The following ATXN8OS variants were observed in gnomAD, a reference collection of about 807,000 sequenced individuals.
The protein encoded by ATXN8OS is ATXN8 opposite strand lncRNA, also known as ATXN8 opposite strand (non-protein coding).
intron 4 of ATXN8OS, among the ~76,000 whole-genome samples, chr13:70,168,198 C>A (rs1019408517): frequency 2.0e-5 from 3 of 151,992 alleles, no homozygotes; most frequent in Non-Finnish European, 2.9e-5. Context: ...TCAGCAGTTA[C>A]CTTCTTTAAA....
chr13:70,148,044 G>A (rs1888811370), intron 4 of ATXN8OS, among the ~76,000 whole-genome samples: 1 of 152,148 alleles, frequency 6.6e-6, no homozygotes, highest in Non-Finnish European at 1.5e-5. Flanking sequence ...GTCAGCTTGA[G>A]TTAAGGTAAG....
At chr13:70,150,665 T>G (rs1393275744) in intron 4 of ATXN8OS, among the ~76,000 whole-genome samples, 1 of 152,048 alleles carries the variant, frequency 6.6e-6, no homozygotes, top group Non-Finnish European at 1.5e-5. Context: ...AAAGGCCTAA[T>G]AAGCACATCT....
rs538258899 is a variant in ATXN8OS, at chr13:70,121,381, G to T, written n.398+6083G>T. 2.0e-5 allele frequency among the ~76,000 whole-genome samples: 3 copies of T among 152,204 alleles called. No individual in the cohort carries two copies. In the East Asian group the frequency reaches 5.8e-4, roughly 29 times the overall value. ...AGTTTTATTTCATAGCATAGAGTTT[G>T]ATTTTAATTCTATCTCCAATAGAAA... On this transcript the variant is annotated intron_variant and non_coding_transcript_variant, in intron 2 of 4. Transcript: ENST00000678624.
At position 70,139,393 on chromosome 13, in the gene ATXN8OS, C is replaced by CTACTACTACTAT. The variant is rs1299406830; in HGVS notation, n.500-7961_500-7960insACTACTACTATT. The CTACTACTACTAT allele has an allele frequency of 1.8e-5, 10 of 555,198 alleles. No homozygotes were observed. The African/African-American group carries it at 3.5e-4, about 19-fold the overall frequency. The allele number at this position is 555,198 out of a possible 1,614,324, so 34.4% of individuals were successfully genotyped here. On this transcript the variant is annotated intron_variant and non_coding_transcript_variant, in intron 3 of 4. Transcript: ENST00000678624. ...ACTACTACTACTACTACTGCTGCTG[C>CTACTACTACTAT]TGCTGCTGCTGCTGCTGCTGCTGCT...
chr13:70,136,186 G>A lies in ATXN8OS; in HGVS notation n.499+6302G>A, dbSNP rs149257544. 5.9e-5 allele frequency among the ~76,000 whole-genome samples: 9 copies of A among 152,250 alleles called. No individual in the cohort carries two copies. In the South Asian group the frequency reaches 6.2e-4, roughly 11 times the overall value. ...GGCTGAAGCTCAGTTGTATGTAATT[G>A]GTAGAAATCTGGCTATTTGTTATGA... On this transcript the variant is annotated intron_variant and non_coding_transcript_variant, in intron 3 of 4. Coordinates refer to ENST00000678624, the Ensembl canonical transcript of ATXN8OS.
At position 70,123,753 on chromosome 13, in the gene ATXN8OS, A is replaced by C. The variant is rs375528223; in HGVS notation, n.399-6031A>C. 6.6e-5 allele frequency among the ~76,000 whole-genome samples: 10 copies of C among 152,286 alleles called. No homozygotes were observed. In the East Asian group the frequency reaches 1.7e-3, roughly 26 times the overall value. Reference sequence around the variant, plus strand: ...CTAGGAAGAAAGGAGTTATTTGTACACAGAAAATTCTCATAATAAATATTT... The same window carrying C: ...CTAGGAAGAAAGGAGTTATTTGTACCCAGAAAATTCTCATAATAAATATTT... On this transcript the variant is annotated intron_variant and non_coding_transcript_variant, in intron 2 of 4. Transcript: ENST00000678624.
In ATXN8OS at chr13:70,131,439, C is replaced by G. The variant is rs1282581538; in HGVS notation, n.499+1555C>G. 21 of 398,358 alleles carry G rather than the reference C, an allele frequency of 5.3e-5. 1 individual carries two copies. Among genetic ancestry groups the G allele is most frequent in the South Asian group, 2.5e-4 (2 of 7,870 alleles). 24.7% of individuals were successfully genotyped at this position (398,358 alleles called of 1,614,324 possible). On this transcript the variant is annotated intron_variant and non_coding_transcript_variant, in intron 3 of 4. Coordinates refer to ENST00000678624, the Ensembl canonical transcript of ATXN8OS. Reference sequence around the variant, plus strand: ...TTTATAGAACAGGTCTCTAACAGGGCCAGCAGCTTCCAGTCACTTCTGTCC... The same window carrying G: ...TTTATAGAACAGGTCTCTAACAGGGGCAGCAGCTTCCAGTCACTTCTGTCC...
At chr13:70,171,026 T>G (rs1034396119) in exon 5 of ATXN8OS, among the ~76,000 whole-genome samples, 2 of 152,158 alleles carry the variant, frequency 1.3e-5, no homozygotes, top group African/African-American at 4.8e-5. Flanking sequence ...AGGGCACTGT[T>G]AAAAGAAGAG....
intron 3 of ATXN8OS, among the ~76,000 whole-genome samples, chr13:70,143,669 C>A (rs1352445598): frequency 1.3e-5 from 2 of 152,040 alleles, no homozygotes; most frequent in Non-Finnish European, 2.9e-5. Flanking sequence ...TTTATATTTT[C>A]TGCACATAAA....
chr13:70,171,300 T>A (rs982222734), exon 5 of ATXN8OS, among the ~76,000 whole-genome samples: 1 of 152,132 alleles, frequency 6.6e-6, no homozygotes, highest in Non-Finnish European at 1.5e-5. Flanking sequence ...TAGGTTACAG[T>A]TCATTATGTA....
intron 4 of ATXN8OS, among the ~76,000 whole-genome samples, chr13:70,156,630 G>A (rs1053564375): frequency 6.6e-6 from 1 of 151,974 alleles, no homozygotes; most frequent in Non-Finnish European, 1.5e-5. Flanking sequence ...ACTTGAGCCA[G>A]TGAAATAAAT....
chr13:70,128,357 C>T (rs1223591929), intron 2 of ATXN8OS, among the ~76,000 whole-genome samples: 3 of 152,106 alleles, frequency 2.0e-5, no homozygotes, highest in African/African-American at 4.8e-5. Flanking sequence ...TCTTTCTGAA[C>T]ATTAGTGCCC....
At chr13:70,153,847 T>C (rs1593774830) in intron 4 of ATXN8OS, among the ~76,000 whole-genome samples, 1 of 151,822 alleles carries the variant, frequency 6.6e-6, no homozygotes, top group Admixed American at 6.6e-5. Flanking sequence ...ACCTGTCCAA[T>C]TTTTTTTCTT....
At chr13:70,124,278 T>C (rs1480432169) in intron 2 of ATXN8OS, among the ~76,000 whole-genome samples, 1 of 152,132 alleles carries the variant, frequency 6.6e-6, no homozygotes, top group Non-Finnish European at 1.5e-5. Context: ...CTATTCTAGA[T>C]GCTTTATAGC....
chr13:70,150,220 C>G (rs907291787), intron 4 of ATXN8OS, among the ~76,000 whole-genome samples: 5 of 152,040 alleles, frequency 3.3e-5, no homozygotes, highest in Admixed American at 6.6e-5. Context: ...GAGGAAGTGA[C>G]AGAGAAGGGC....
At chr13:70,151,927 T>C (rs1187108919) in intron 4 of ATXN8OS, among the ~76,000 whole-genome samples, 1 of 152,090 alleles carries the variant, frequency 6.6e-6, no homozygotes, top group African/African-American at 2.4e-5. Context: ...TAATTGATCA[T>C]TTCACTCATC....
intron 4 of ATXN8OS, among the ~76,000 whole-genome samples, chr13:70,160,995 T>C (rs891029706): frequency 4.0e-4 from 61 of 151,422 alleles, no homozygotes; most frequent in African/African-American, 1.4e-3. Flanking sequence ...TATTATGACA[T>C]ATCGAGACAA....
At chr13:70,111,301 G>A (rs1028901799) in intron 1 of ATXN8OS, among the ~76,000 whole-genome samples, 2 of 152,142 alleles carry the variant, frequency 1.3e-5, no homozygotes, top group East Asian at 3.9e-4. Context: ...AAAACCTGAA[G>A]GTGGGTAACT....
chr13:70,165,521 C>T (rs2479952), intron 4 of ATXN8OS, among the ~76,000 whole-genome samples: 66,101 of 151,672 alleles, frequency 0.44, 15,286 homozygotes, highest in African/African-American at 0.57. Flanking sequence ...ACTGGACTTC[C>T]GGCAAACATG....
Sources: allele counts gnomAD v4.1 joint callset (sites outside exome capture counted in the v4.1 genomes callset), GRCh38; gene constraint gnomAD v4.1.1; transcripts MANE v1.5; gene names NCBI Gene and HGNC (gene_info 2026-07-23, HGNC 2026-07-21).